Variants in SAMMSON observed in about 807,000 individuals in gnomAD.
SAMMSON encodes survival associated mitochondrial melanoma specific oncogenic non-coding RNA, also known as long intergenic non-protein coding RNA 1212.
intron 4 of SAMMSON, among the ~76,000 whole-genome samples, chr3:70,190,498 T>G (rs143387355): frequency 6.6e-4 from 101 of 152,354 alleles, no homozygotes; most frequent in African/African-American, 2.3e-3. Flanking sequence ...TTACCTGAAG[T>G]TGGGCAGTAG....
At chr3:70,125,258 A>T in intron 4 of SAMMSON, 1 of 1,270,932 alleles carries the variant, frequency 7.9e-7, no homozygotes, top group South Asian at 1.2e-5. Context: ...TATATCAAAC[A>T]TGATCTACTG....
At chr3:70,429,789 C>T (rs1701399266) in intron 2 of SAMMSON, among the ~76,000 whole-genome samples, 1 of 152,126 alleles carries the variant, frequency 6.6e-6, no homozygotes, top group Admixed American at 6.6e-5. Context: ...TATAGGAATG[C>T]TTGTGATTTT....
At chr3:70,057,358 A>T (rs1491700) in intron 3 of SAMMSON, among the ~76,000 whole-genome samples, 62,695 of 151,860 alleles carry the variant, frequency 0.41, 13,490 homozygotes, top group East Asian at 0.62. Flanking sequence ...AATTCATTTT[A>T]AAAGAATGTT....
At chr3:70,153,264 T>C (rs1025784101) in intron 4 of SAMMSON, among the ~76,000 whole-genome samples, 1 of 151,946 alleles carries the variant, frequency 6.6e-6, no homozygotes. Flanking sequence ...CTAATATGGT[T>C]GCACTGACAG....
intron 6 of SAMMSON, among the ~76,000 whole-genome samples, chr3:70,263,215 GCTT>G (rs1417526808): frequency 1.3e-5 from 2 of 152,028 alleles, no homozygotes; most frequent in East Asian, 3.9e-4. Flanking sequence ...ATATTTTCCT[GCTT>G]CTTCTTTCTT....
chr3:70,017,424 C>T (rs1008838720), intron 3 of SAMMSON, among the ~76,000 whole-genome samples: 1 of 152,004 alleles, frequency 6.6e-6, no homozygotes, highest in Admixed American at 6.6e-5. Context: ...GATTTTTGCA[C>T]ATTGAATTTG....
At chr3:70,362,437 T>C (rs1702879831) in intron 9 of SAMMSON, among the ~76,000 whole-genome samples, 1 of 152,162 alleles carries the variant, frequency 6.6e-6, no homozygotes, top group African/African-American at 2.4e-5. Context: ...GTGTTCTGCA[T>C]GTATAGAAAG....
intron 4 of SAMMSON, among the ~76,000 whole-genome samples, chr3:70,157,548 G>A (rs539206398): frequency 7.4e-4 from 112 of 152,058 alleles, no homozygotes; most frequent in Non-Finnish European, 1.4e-3. Flanking sequence ...AGTAGTTTTG[G>A]TGGCAGGAGA....
At chr3:70,306,515 C>G (rs552225458) in intron 7 of SAMMSON, among the ~76,000 whole-genome samples, 102 of 152,326 alleles carry the variant, frequency 6.7e-4, no homozygotes, top group African/African-American at 2.4e-3. Flanking sequence ...ATCTTTCACA[C>G]TCTTTCCTTC....
chr3:70,369,353 A>G (rs183986696), intron 9 of SAMMSON, among the ~76,000 whole-genome samples: 6 of 151,854 alleles, frequency 4.0e-5, no homozygotes, highest in African/African-American at 1.4e-4. Flanking sequence ...TTTTAATATC[A>G]GAAAATCAAA....
At chr3:70,055,017 T>A (rs1236316956) in intron 3 of SAMMSON, among the ~76,000 whole-genome samples, 1 of 152,124 alleles carries the variant, frequency 6.6e-6, no homozygotes, top group African/African-American at 2.4e-5. Flanking sequence ...AAGGAATTAT[T>A]ATTAAATTTT....
intron 1 of SAMMSON, among the ~76,000 whole-genome samples, chr3:70,006,852 G>C (rs1156462070): frequency 7.5e-6 from 1 of 132,726 alleles, no homozygotes; most frequent in African/African-American, 2.9e-5. Context: ...CTGTGTCCAT[G>C]TGCTCTCATT....
intron 9 of SAMMSON, among the ~76,000 whole-genome samples, chr3:70,363,508 G>T: frequency 6.6e-6 from 1 of 151,972 alleles, no homozygotes; most frequent in Non-Finnish European, 1.5e-5. Context: ...AACATCTACA[G>T]TCAAGAATCA....
intron 2 of SAMMSON, among the ~76,000 whole-genome samples, chr3:70,405,295 A>G (rs532107614): frequency 6.6e-5 from 10 of 152,334 alleles, no homozygotes; most frequent in South Asian, 4.1e-4. Context: ...AAAATAAAAT[A>G]AAATAAATTA....
At chr3:70,259,425 A>G (rs927261015) in intron 6 of SAMMSON, among the ~76,000 whole-genome samples, 1 of 152,086 alleles carries the variant, frequency 6.6e-6, no homozygotes, top group Non-Finnish European at 1.5e-5. Flanking sequence ...TTAAAAAAAA[A>G]AAAGAAAGAA....
At chr3:70,028,093 C>T (rs991719618) in intron 3 of SAMMSON, among the ~76,000 whole-genome samples, 1 of 150,452 alleles carries the variant, frequency 6.6e-6, no homozygotes, top group African/African-American at 2.5e-5. Flanking sequence ...TCTTTCCTTC[C>T]TTCCTTCCTT....
At chr3:70,147,255 A>G (rs957030632) in intron 4 of SAMMSON, among the ~76,000 whole-genome samples, 1 of 152,092 alleles carries the variant, frequency 6.6e-6, no homozygotes, top group African/African-American at 2.4e-5. Flanking sequence ...TAATTGATCT[A>G]TAGATTTAAT....
intron 4 of SAMMSON, among the ~76,000 whole-genome samples, chr3:70,235,078 G>GA (rs1168683776): frequency 6.6e-6 from 1 of 152,220 alleles, no homozygotes. Context: ...CTTTGCTGCA[G>GA]AATGTCCTTG....
intron 4 of SAMMSON, among the ~76,000 whole-genome samples, chr3:70,121,082 G>A (rs1353921905): frequency 6.6e-6 from 1 of 152,174 alleles, no homozygotes; most frequent in Non-Finnish European, 1.5e-5. Flanking sequence ...TTCTCACAAG[G>A]AGCACGCAAT....
Sources: allele counts gnomAD v4.1 joint callset (sites outside exome capture counted in the v4.1 genomes callset), GRCh38; gene constraint gnomAD v4.1.1; transcripts MANE v1.5; gene names NCBI Gene and HGNC (gene_info 2026-07-23, HGNC 2026-07-21).